Variants in POLR1F observed in about 807,000 individuals in gnomAD.
POLR1F encodes RNA polymerase I subunit F, also known as DNA-directed RNA polymerase I subunit RPA43.
A neutral mutation model predicts 21.8 loss-of-function variants in POLR1F; 23 were observed. The observed-to-expected ratio is 1.05, with a 90% CI of 0.76 to 1.49. POLR1F has a LOEUF of 1.49. POLR1F is among the 40% of genes most tolerant of loss of function. The pLI is 0.00. For missense variants in POLR1F, 435 were observed against 412.1 expected (o/e 1.06, Z -0.48); for synonymous variants, 162 against 152.8 (o/e 1.06, Z -0.45).
At position 19,698,281 on chromosome 7, in the gene POLR1F, C is replaced by A. The variant is rs753555138; in HGVS notation, c.*35G>T. The A allele has an allele frequency of 3.3e-6, 5 of 1,516,966 alleles. No homozygotes were observed. Among genetic ancestry groups the A allele is most frequent in the Non-Finnish European group, 2.6e-6 (3 of 1,137,622 alleles). 94.0% of individuals were successfully genotyped at this position (1,516,966 alleles called of 1,614,324 possible). On this transcript the variant is annotated 3_prime_UTR_variant, in exon 4 of 4. Coordinates refer to ENST00000222567, the MANE Select transcript of POLR1F (RefSeq NM_001002926.2). ...ATTTATTCATCTATTGTATGTAGATCGATCTTTTAAAAACTGAATCGTGTT... is the reference window on the plus strand; with the variant it reads ...ATTTATTCATCTATTGTATGTAGATAGATCTTTTAAAAACTGAATCGTGTT...
chr7:19,700,012 A>T, intron 3 of POLR1F, 60 bp downstream of exon 3: 2 of 1,396,908 alleles, frequency 1.4e-6, no homozygotes, highest in Non-Finnish European at 2.0e-6. Flanking sequence ...AATTCTCTTT[A>T]AAATTCAGAA....
At chr7:19,699,620 T>A (rs935592981) in intron 3 of POLR1F, among the ~76,000 whole-genome samples, 3 of 152,074 alleles carry the variant, frequency 2.0e-5, no homozygotes, top group South Asian at 4.1e-4. Context: ...AAGATCAGAG[T>A]TAATTCTTAT....
chr7:19,703,669 A>G (rs1362176299), intron 2 of POLR1F, among the ~76,000 whole-genome samples: 1 of 152,116 alleles, frequency 6.6e-6, no homozygotes, highest in Non-Finnish European at 1.5e-5. Flanking sequence ...ATCATAGCTC[A>G]CTGCAGCCTT....
At chr7:19,706,017 T>G (rs1335621427) in intron 1 of POLR1F, among the ~76,000 whole-genome samples, 1 of 152,208 alleles carries the variant, frequency 6.6e-6, no homozygotes, top group Non-Finnish European at 1.5e-5. Context: ...ATTGAACCTA[T>G]CTGTATATAT....
At chr7:19,708,721 C>G in intron 1 of POLR1F, 42 bp downstream of exon 1, 5 of 1,578,270 alleles carry the variant, frequency 3.2e-6, no homozygotes, top group Non-Finnish European at 4.3e-6. Context: ...ACCTGCTTTA[C>G]TTCCCGTGCA....
intron 2 of POLR1F, among the ~76,000 whole-genome samples, chr7:19,704,100 C>A (rs1046038725): frequency 6.6e-6 from 1 of 152,076 alleles, no homozygotes; most frequent in African/African-American, 2.4e-5. Flanking sequence ...TTAAATTGAT[C>A]TATATTTTTA....
Position 19,708,613 on chromosome 7 carries a change from AGGGAC to A in POLR1F, c.254+145_254+149del, listed in dbSNP as rs1045627616. The stretch of plus-strand genomic sequence containing the variant: ...CTTTACCAGAGCGGTACTGGCCTTG[AGGGAC>A]GGATCGCGACTCTAGAAATCCAGGG... On this transcript the variant is annotated intron_variant, in intron 1 of 3. Coordinates refer to ENST00000222567, the MANE Select transcript of POLR1F (RefSeq NM_001002926.2). 50 of 1,055,880 alleles carry A rather than the reference AGGGAC, an allele frequency of 4.7e-5. No individual in the cohort carries two copies. The Middle Eastern group carries it at 8.5e-4, about 18-fold the overall frequency. The allele number at this position is 1,055,880 out of a possible 1,614,324, so 65.4% of individuals were successfully genotyped here. A position where few individuals can be genotyped will look rare whatever the true frequency, so the allele number is the denominator to read the frequency against.
intron 1 of POLR1F, among the ~76,000 whole-genome samples, chr7:19,707,854 T>C (rs1303945839): frequency 1.3e-5 from 2 of 152,182 alleles, no homozygotes; most frequent in Admixed American, 1.3e-4. Flanking sequence ...ATCTGCAGAT[T>C]CTAGACATGG....
intron 1 of POLR1F, among the ~76,000 whole-genome samples, chr7:19,707,434 C>T (rs1783542453): frequency 6.6e-6 from 1 of 152,178 alleles, no homozygotes; most frequent in Non-Finnish European, 1.5e-5. Context: ...AATGGCCATC[C>T]TCTCTGAGTC....
rs1231819646 is a variant in POLR1F, at chr7:19,700,197, C to G, written c.480G>C (p.Gln160His). ...TGGTTTGCCACTGCTCAGCTGACAA[C>G]TGCTCAGGTTTAGGAATGGAGGCAT... ...CFNASIPKPE[Q>H]LSAEQWQTME... is the part of the protein sequence containing the mutation. Residue 160 changes from glutamine to histidine, a missense_variant, in exon 3 of 4, where the codon CAG becomes CAC. Coordinates refer to ENST00000222567, the MANE Select transcript of POLR1F (RefSeq NM_001002926.2). 1.2e-6 allele frequency: 2 copies of G among 1,613,920 alleles called. No homozygotes were observed. The highest frequency in any genetic ancestry group is 1.7e-6 in the Non-Finnish European group (2 of 1,179,842).
intron 2 of POLR1F, among the ~76,000 whole-genome samples, chr7:19,704,315 A>G (rs1261307136): frequency 6.6e-6 from 1 of 152,178 alleles, no homozygotes; most frequent in Non-Finnish European, 1.5e-5. Context: ...AGCTTATGAA[A>G]AACTGGAAGA....
intron 3 of POLR1F, 34 bp downstream of exon 3, chr7:19,700,038 G>C: frequency 6.6e-7 from 1 of 1,509,002 alleles, no homozygotes. Flanking sequence ...TAGAAATTAA[G>C]TACCTAGTGA....
chr7:19,700,442 A>G lies in POLR1F; in HGVS notation c.397-162T>C, dbSNP rs926851757. The G allele has an allele frequency of 9.3e-5, 56 of 601,890 alleles. 1 individual carries two copies. Among genetic ancestry groups the G allele is most frequent in the South Asian group, 1.3e-4 (6 of 46,392 alleles). 37.3% of individuals were successfully genotyped at this position (601,890 alleles called of 1,614,324 possible). On this transcript the variant is annotated intron_variant, in intron 2 of 3. Coordinates refer to ENST00000222567, the MANE Select transcript of POLR1F (RefSeq NM_001002926.2). ...GTTTACCTCAATTAAAACTTACCACATGTCATGCCAAAACATCACTTTAGA... is the reference window on the plus strand; with the variant it reads ...GTTTACCTCAATTAAAACTTACCACGTGTCATGCCAAAACATCACTTTAGA...
chr7:19,702,919 A>G (rs968057176), intron 2 of POLR1F, among the ~76,000 whole-genome samples: 1 of 152,244 alleles, frequency 6.6e-6, no homozygotes, highest in African/African-American at 2.4e-5. Context: ...ATGGGAAATC[A>G]GTCTGACAAT....
At chr7:19,700,909 T>C (rs1783438918) in intron 2 of POLR1F, among the ~76,000 whole-genome samples, 1 of 152,234 alleles carries the variant, frequency 6.6e-6, no homozygotes, top group Admixed American at 6.5e-5. Flanking sequence ...AACAAAAGTA[T>C]GTGCTATATG....
Position 19,708,752 on chromosome 7 carries a change from G to C in POLR1F, c.254+11C>G, listed in dbSNP as rs1290422670. ...GTGCACAAAAGAAGGAACAGGCAAA[G>C]AGATCGGTACCTCTCAGAATAGCGA... On this transcript the variant is annotated intron_variant, in intron 1 of 3. Transcript: ENST00000222567. 6.3e-7 allele frequency: 1 copy of C among 1,595,076 alleles called. No homozygotes were observed. Among genetic ancestry groups the C allele is most frequent in the Admixed American group, 1.7e-5 (1 of 59,584 alleles).
intron 1 of POLR1F, 105 bp downstream of exon 1, chr7:19,708,658 G>A: frequency 2.0e-6 from 3 of 1,473,238 alleles, no homozygotes; most frequent in Non-Finnish European, 2.8e-6. Context: ...AAGCTCTGGG[G>A]GGCAATGCGA....
In POLR1F at chr7:19,697,861, C is replaced by T. The variant is rs902943222; in HGVS notation, c.*455G>A. The T allele has an allele frequency of 1.3e-5, 2 of 152,226 alleles. No individual in the cohort carries two copies. The highest frequency in any genetic ancestry group is 2.4e-5 in the African/African-American group (1 of 41,372). The allele number at this position is 152,226 out of a possible 1,614,324, so 9.4% of individuals were successfully genotyped here. On this transcript the variant is annotated 3_prime_UTR_variant, in exon 4 of 4. Coordinates refer to ENST00000222567, the MANE Select transcript of POLR1F (RefSeq NM_001002926.2). The stretch of plus-strand genomic sequence containing the variant: ...TGTAGAAAGCCATGATAAAGGAAAA[C>T]CTAAAATTAGTTAATGTCCTGAGTT...
intron 2 of POLR1F, among the ~76,000 whole-genome samples, chr7:19,701,551 T>C (rs537551800): frequency 6.6e-6 from 1 of 152,296 alleles, no homozygotes; most frequent in South Asian, 2.1e-4. Context: ...ACAAACCTTT[T>C]TGGAAGGCCA....
Sources: gnomAD v4.1 joint callset for allele counts (sites outside exome capture counted in the v4.1 genomes callset) on GRCh38, gnomAD v4.1.1 for gene constraint, MANE v1.5 for transcripts, NCBI Gene and HGNC (gene_info 2026-07-23, HGNC 2026-07-21) for gene names.